The following SULT1A1 variants were observed in gnomAD, a reference collection of about 807,000 sequenced individuals.
SULT1A1 encodes sulfotransferase family 1A member 1, also known as sulfotransferase 1A1.
Under a neutral mutation model 36.8 loss-of-function variants are expected in SULT1A1, and 35 were observed. That is an observed-to-expected ratio of 0.95 (90% CI 0.73 to 1.26). The LOEUF is 1.26. Ranked by LOEUF, SULT1A1 falls within the 50% of genes most tolerant of loss-of-function variation. The probability of loss-of-function intolerance (pLI) is 0.00; values close to 1 mark genes in which losing one functional copy is unlikely to be tolerated. For synonymous variants in SULT1A1, 119 were observed against 146.0 expected (o/e 0.82, Z 1.33); for missense variants, 309 against 383.0 (o/e 0.81, Z 1.61).
upstream of SULT1A1, chr16:28,611,487 ATTGTGGC>A (rs2047451034): frequency 6.6e-6 from 1 of 152,280 alleles, no homozygotes; most frequent in African/African-American, 2.4e-5. Flanking sequence ...TTGGGTGTAA[ATTGTGGC>A]ACCACGGTCT....
intron 4 of SULT1A1, 118 bp from the exon 5 acceptor site, chr16:28,607,195 C>G (rs2151685240): frequency 6.5e-7 from 1 of 1,533,730 alleles, no homozygotes; most frequent in East Asian, 2.3e-5. Flanking sequence ...TGTTTGAGAT[C>G]TCACGGCACC....
chr16:28,620,149 C>T (rs774913848), intron 1 of SULT1A1: 30 of 1,610,760 alleles, frequency 1.9e-5, no homozygotes, highest in Non-Finnish European at 2.4e-5. Flanking sequence ...TGCAAAAACA[C>T]CAAAAGAATT....
In SULT1A1 at chr16:28,607,047, C is replaced by T. The variant is rs756063880; in HGVS notation, c.403G>A (p.Val135Met). 1.9e-6 allele frequency: 3 copies of T among 1,612,436 alleles called. No individual in the cohort carries two copies. The Admixed American group carries it at 5.0e-5, about 27-fold the overall frequency. The change falls in exon 5 of 8, where the codon GTG becomes ATG. Residue 135 changes from valine (V) to methionine (M), a missense_variant. Physicochemically the swap from Val to Met is conservative, Grantham distance 21 (BLOSUM62 1). Transcript: ENST00000314752. Reference protein sequence around the residue: ...VVYVARNAKDVAVSYYHFYHM... With the variant: ...VVYVARNAKDMAVSYYHFYHM... ...TAGAAGTGGTAGTAGGAAACTGCCA[C>T]ATCCTTTGCGTTGCGGGCAACATAG...
chr16:28,609,831 G>A (rs1350393546), intron 1 of SULT1A1, 100 bp downstream of exon 1: 4 of 1,151,030 alleles, frequency 3.5e-6, no homozygotes, highest in Non-Finnish European at 3.3e-6. Flanking sequence ...GATATCCATG[G>A]GGAAAGGGCA....
chr16:28,615,855 CAA>C (rs1398978644), intron 2 of SULT1A1, among the ~76,000 whole-genome samples: 1 of 152,182 alleles, frequency 6.6e-6, no homozygotes, highest in Non-Finnish European at 1.5e-5. Context: ...GGAGAGGAGA[CAA>C]AGAGAAAGAC....
chr16:28,617,212 C>T (rs754660852), intron 2 of SULT1A1, among the ~76,000 whole-genome samples: 1 of 151,912 alleles, frequency 6.6e-6, no homozygotes, highest in Admixed American at 6.6e-5. Flanking sequence ...GAGGTTTCAT[C>T]GTCATATTGC....
upstream of SULT1A1, chr16:28,610,045 G>A: frequency 7.8e-7 from 1 of 1,286,664 alleles, no homozygotes; most frequent in South Asian, 1.2e-5. Context: ...GGTCCACTGT[G>A]GGAGGGATCT....
At chr16:28,620,141 C>G (rs1164687668) in intron 1 of SULT1A1, 1 of 1,611,120 alleles carries the variant, frequency 6.2e-7, no homozygotes, top group East Asian at 2.2e-5. Flanking sequence ...TACCTATTTG[C>G]AAAAACACCA....
At chr16:28,621,250 G>C (rs1019566321) in intron 1 of SULT1A1, among the ~76,000 whole-genome samples, 5 of 151,994 alleles carry the variant, frequency 3.3e-5, no homozygotes, top group African/African-American at 1.2e-4. Flanking sequence ...GGGAGGCCAT[G>C]ATGGGCAGAT....
chr16:28,618,707 G>A (rs886508233), intron 2 of SULT1A1, among the ~76,000 whole-genome samples: 2 of 152,068 alleles, frequency 1.3e-5, no homozygotes, highest in Admixed American at 6.6e-5. Flanking sequence ...CCGCTGATTT[G>A]TTTTGAACCT....
intron 1 of SULT1A1, 139 bp from the exon 2 acceptor site, chr16:28,608,998 C>T (rs556417161): frequency 2.4e-5 from 37 of 1,557,494 alleles, no homozygotes; most frequent in African/African-American, 6.7e-5. Flanking sequence ...CACTCAGTGG[C>T]GGGGCTGGGG....
At chr16:28,611,617 C>T (rs1475528869), upstream of SULT1A1, 2 of 151,468 alleles carry the variant, frequency 1.3e-5, no homozygotes, top group Non-Finnish European at 2.9e-5. Flanking sequence ...CTCTTGAGGA[C>T]CCCCACGTTC....
intron 1 of SULT1A1, chr16:28,623,097 TCCCACCCCCCA>T: frequency 1.2e-5 from 16 of 1,391,208 alleles, no homozygotes; most frequent in Non-Finnish European, 1.5e-5. Flanking sequence ...CCAATACTGG[TCCCACCCCCCA>T]GGTTCCCCCC....
At chr16:28,609,159 G>A in intron 1 of SULT1A1, 3 of 1,380,846 alleles carry the variant, frequency 2.2e-6, no homozygotes, top group East Asian at 2.8e-5. Flanking sequence ...GTCAGGGTGT[G>A]TGAAGGTCTC....
chr16:28,607,042 T>C lies in SULT1A1; in HGVS notation c.408A>G (p.Ala136=), dbSNP rs1042000. 1.8e-3 allele frequency: 2,839 copies of C among 1,612,476 alleles called. 65 individuals carry two copies. The highest frequency in any genetic ancestry group is 3.1e-3 in the Middle Eastern group (19 of 6,052). ...TGTGGTAGAAGTGGTAGTAGGAAAC[T>C]GCCACATCCTTTGCGTTGCGGGCAA... ...VYVARNAKDV[A]VSYYHFYHMA... The change falls in exon 5 of 8, where the codon GCA becomes GCG. Residue 136 remains alanine (A), a synonymous_variant. Coordinates refer to ENST00000314752, the MANE Select transcript of SULT1A1 (RefSeq NM_001055.4).
chr16:28,610,255 T>TTTTTTC, upstream of SULT1A1: 1 of 1,145,422 alleles, frequency 8.7e-7, no homozygotes, highest in Non-Finnish European at 1.1e-6. Flanking sequence ...TTGTAGGTTT[T>TTTTTTC]TTTTTTCTGT....
intron 2 of SULT1A1, among the ~76,000 whole-genome samples, chr16:28,616,211 G>A (rs2047543762): frequency 6.6e-6 from 1 of 152,148 alleles, no homozygotes; most frequent in African/African-American, 2.4e-5. Flanking sequence ...TATTGAGCGA[G>A]GGTTATTATA....
At chr16:28,621,101 G>A (rs1461633022) in intron 1 of SULT1A1, among the ~76,000 whole-genome samples, 1 of 150,968 alleles carries the variant, frequency 6.6e-6, no homozygotes. Flanking sequence ...GATAAAGCGA[G>A]ACTCTGTCTC....
intron 6 of SULT1A1, 151 bp downstream of exon 6, chr16:28,606,610 T>TGC: frequency 2.5e-6 from 3 of 1,199,662 alleles, no homozygotes; most frequent in Non-Finnish European, 3.4e-6. Flanking sequence ...GGTGGGGCCT[T>TGC]AGTGGGGAGG....
Sources: allele counts gnomAD v4.1 joint callset (sites outside exome capture counted in the v4.1 genomes callset), GRCh38; gene constraint gnomAD v4.1.1; transcripts MANE v1.5; gene names NCBI Gene and HGNC (gene_info 2026-07-23, HGNC 2026-07-21).